Variants in AGBL4 observed in about 807,000 individuals in gnomAD.
AGBL4 encodes cytosolic carboxypeptidase 6.
Under a neutral mutation model 66.4 loss-of-function variants are expected in AGBL4, and 58 were observed. That is an observed-to-expected ratio of 0.87 (90% CI 0.71 to 1.09). AGBL4 has a LOEUF of 1.09. AGBL4 is among the 50% of genes least tolerant of loss of function. The pLI is 0.00. For missense variants in AGBL4, 579 were observed against 631.0 expected (o/e 0.92, Z 0.88); for synonymous variants, 234 against 222.9 (o/e 1.05, Z -0.44).
rs374193917 is a variant in AGBL4 at position 49,936,522 on chromosome 1, G to A, written c.35-85004C>T. On this transcript the variant is annotated intron_variant, in intron 1 of 13. Coordinates refer to ENST00000371839, the MANE Select transcript of AGBL4 (RefSeq NM_032785.4). Reference sequence around the variant, plus strand: ...ATACTCCTCGAGAAGAGCAACTCCAGGACACATAATTGTCAGATTCACCAA... The same window carrying A: ...ATACTCCTCGAGAAGAGCAACTCCAAGACACATAATTGTCAGATTCACCAA... Among the ~76,000 whole-genome samples the A allele has an allele frequency of 1.9e-3, 285 of 152,048 alleles. 2 individuals carry two copies. The highest frequency in any genetic ancestry group is 6.5e-3 in the African/African-American group (269 of 41,444).
At chr1:49,888,382 A>G (rs1648283892) in intron 1 of AGBL4, among the ~76,000 whole-genome samples, 1 of 152,170 alleles carries the variant, frequency 6.6e-6, no homozygotes, top group Non-Finnish European at 1.5e-5. Flanking sequence ...CAGGTATCAC[A>G]TTTTAAGAAA....
At chr1:49,818,365 T>C (rs531524396) in intron 2 of AGBL4, among the ~76,000 whole-genome samples, 2 of 111,798 alleles carry the variant, frequency 1.8e-5, no homozygotes, top group Non-Finnish European at 3.6e-5. Context: ...GTTTTTGTTT[T>C]TTTTGTTTTT....
At chr1:49,143,687 A>G (rs144792964) in intron 4 of AGBL4, among the ~76,000 whole-genome samples, 4 of 152,310 alleles carry the variant, frequency 2.6e-5, no homozygotes, top group Admixed American at 1.3e-4. Flanking sequence ...CATAAATAGA[A>G]AACAGTAACT....
At chr1:49,122,078 T>C (rs1645666323) in intron 4 of AGBL4, among the ~76,000 whole-genome samples, 1 of 152,216 alleles carries the variant, frequency 6.6e-6, no homozygotes, top group African/African-American at 2.4e-5. Context: ...GCGCAGTATT[T>C]GGGTGGAAGT....
intron 5 of AGBL4, among the ~76,000 whole-genome samples, chr1:48,983,589 A>G (rs1469877095): frequency 1.3e-5 from 2 of 152,182 alleles, no homozygotes; most frequent in African/African-American, 4.8e-5. Flanking sequence ...AAATAGCAAA[A>G]ATGTAGAAAA....
intron 4 of AGBL4, among the ~76,000 whole-genome samples, chr1:49,178,454 C>A (rs893198989): frequency 6.6e-6 from 1 of 152,128 alleles, no homozygotes; most frequent in South Asian, 2.1e-4. Context: ...GGTTCCATTA[C>A]CCCTTGCACA....
intron 6 of AGBL4, among the ~76,000 whole-genome samples, chr1:48,675,190 A>AC (rs1190356294): frequency 6.6e-6 from 1 of 151,614 alleles, no homozygotes; most frequent in Non-Finnish European, 1.5e-5. Flanking sequence ...AGTGTCCTTC[A>AC]CTCCCACCAA....
intron 4 of AGBL4, among the ~76,000 whole-genome samples, chr1:49,117,878 T>G (rs1199575084): frequency 6.6e-6 from 1 of 152,202 alleles, no homozygotes; most frequent in Non-Finnish European, 1.5e-5. Context: ...CATTTGTTTG[T>G]GTCCTCTTTC....
intron 2 of AGBL4, among the ~76,000 whole-genome samples, chr1:49,833,874 C>G (rs1645771261): frequency 6.6e-6 from 1 of 152,080 alleles, no homozygotes; most frequent in Non-Finnish European, 1.5e-5. Flanking sequence ...AGTTGCTTAT[C>G]AGCTTAAGGA....
chr1:48,886,481 C>T (rs1051720553), intron 5 of AGBL4, among the ~76,000 whole-genome samples: 2 of 152,174 alleles, frequency 1.3e-5, no homozygotes, highest in Admixed American at 6.5e-5. Flanking sequence ...TGCTCTAAAA[C>T]CTGCTGTGGG....
chr1:49,565,643 C>A (rs1408203710), intron 3 of AGBL4, among the ~76,000 whole-genome samples: 1 of 152,224 alleles, frequency 6.6e-6, no homozygotes, highest in African/African-American at 2.4e-5. Context: ...CCACTCTCTT[C>A]TGGCTTGTAG....
intron 2 of AGBL4, among the ~76,000 whole-genome samples, chr1:49,710,396 A>G (rs966401441): frequency 2.0e-5 from 3 of 152,240 alleles, no homozygotes; most frequent in African/African-American, 7.2e-5. Context: ...AAATGAGACC[A>G]TATGGGTACA....
At chr1:48,979,889 A>G (rs1203752793) in intron 5 of AGBL4, among the ~76,000 whole-genome samples, 3 of 152,152 alleles carry the variant, frequency 2.0e-5, no homozygotes, top group African/African-American at 7.2e-5. Context: ...AATTTTTAAA[A>G]TTTTTATTTT....
chr1:49,307,278 T>C (rs561979932), intron 3 of AGBL4, among the ~76,000 whole-genome samples: 1 of 152,080 alleles, frequency 6.6e-6, no homozygotes, highest in Non-Finnish European at 1.5e-5. Flanking sequence ...GAAGATCCAG[T>C]TCAGTCTATT....
intron 5 of AGBL4, among the ~76,000 whole-genome samples, chr1:48,925,343 C>T (rs1323495242): frequency 6.6e-6 from 1 of 152,118 alleles, no homozygotes; most frequent in Non-Finnish European, 1.5e-5. Flanking sequence ...TCTTAGATTA[C>T]TTCTAATACC....
intron 11 of AGBL4, among the ~76,000 whole-genome samples, chr1:48,567,682 C>T (rs974681494): frequency 6.6e-6 from 1 of 152,090 alleles, no homozygotes; most frequent in Admixed American, 6.5e-5. Context: ...GAGAAGGGGA[C>T]CTGTTGGGGG....
At chr1:49,599,589 T>C (rs6588352) in intron 3 of AGBL4, among the ~76,000 whole-genome samples, 104,207 of 151,956 alleles carry the variant, frequency 0.69, 36,502 homozygotes, top group African/African-American at 0.78. Flanking sequence ...GATTTTTGAA[T>C]GGTTTTTCAT....
intron 1 of AGBL4, among the ~76,000 whole-genome samples, chr1:49,974,418 T>G (rs1052736538): frequency 6.6e-6 from 1 of 152,078 alleles, no homozygotes; most frequent in African/African-American, 2.4e-5. Context: ...TTGAAATAAA[T>G]GAGGCCAAAT....
intron 8 of AGBL4, among the ~76,000 whole-genome samples, chr1:48,646,513 ATGTGTGTGTGTG>A (rs61233999): frequency 8.4e-5 from 11 of 131,528 alleles, no homozygotes; most frequent in South Asian, 2.9e-4. Context: ...ACCAGTTATA[ATGTGTGTGTGTG>A]TGTGTGTGTG....
Sources: allele counts gnomAD v4.1 joint callset (sites outside exome capture counted in the v4.1 genomes callset), GRCh38; gene constraint gnomAD v4.1.1; transcripts MANE v1.5; gene names NCBI Gene and HGNC (gene_info 2026-07-23, HGNC 2026-07-21).